Variants in ADGRE1 observed in about 807,000 individuals in gnomAD.
ADGRE1 encodes adhesion G protein-coupled receptor E1.
In ADGRE1, 82 loss-of-function variants were observed where a neutral mutation model predicts 102.7. That is an observed-to-expected ratio of 0.80 (90% CI 0.67 to 0.96). ADGRE1 has a LOEUF of 0.96. Among genes scored for constraint, ADGRE1 ranks in the 40% least tolerant of loss-of-function variants. ADGRE1 has a pLI of 0.00. For synonymous variants in ADGRE1, 398 were observed against 399.6 expected (o/e 1.00, Z 0.05); for missense variants, 1,032 against 1,085.3 (o/e 0.95, Z 0.69).
At chr19:6,929,964 T>A (rs757779411) in intron 17 of ADGRE1, among the ~76,000 whole-genome samples, 6 of 152,174 alleles carry the variant, frequency 3.9e-5, no homozygotes, top group Non-Finnish European at 8.8e-5. Flanking sequence ...ATTTTGAACA[T>A]GCCTATTCCC....
rs148315148 is a variant in ADGRE1, at chr19:6,928,423, C to T, written c.2289+212C>T. 2.5e-3 allele frequency: 3,019 copies of T among 1,230,642 alleles called. 53 individuals carry two copies. The African/African-American group carries it at 0.04, about 16-fold the overall frequency. 76.2% of individuals were successfully genotyped at this position (1,230,642 alleles called of 1,614,324 possible). On this transcript the variant is annotated intron_variant, in intron 17 of 20. Coordinates refer to ENST00000312053, the MANE Select transcript of ADGRE1 (RefSeq NM_001974.5). Reference sequence around the variant, plus strand: ...GGTGGATCACCTGAGGTCAGGAGTTCGAGAACAGTCTGGCCAACTTGGCGA... The same window carrying T: ...GGTGGATCACCTGAGGTCAGGAGTTTGAGAACAGTCTGGCCAACTTGGCGA...
intron 1 of ADGRE1, among the ~76,000 whole-genome samples, chr19:6,888,189 G>A (rs1166051717): frequency 6.6e-6 from 1 of 152,226 alleles, no homozygotes; most frequent in Admixed American, 6.5e-5. Context: ...TGACTTCAGA[G>A]TCTGTAAGCT....
Position 6,916,259 on chromosome 19 carries a change from C to A in ADGRE1, c.1311C>A (p.Ser437Arg), listed in dbSNP as rs778083360. 1 of 1,612,062 alleles carries A rather than the reference C, an allele frequency of 6.2e-7. No homozygotes were observed. Among genetic ancestry groups the A allele is most frequent in the Admixed American group, 1.7e-5 (1 of 59,844 alleles). The change falls in exon 12 of 21, where the codon AGC becomes AGA. Residue 437 changes from serine to arginine, a missense_variant. Transcript: ENST00000312053. ...AVRTEYLDIESKVINKECSEE... is the reference protein window; with the variant it reads ...AVRTEYLDIERKVINKECSEE... The stretch of plus-strand genomic sequence containing the variant: ...CCTTTCTCTTTTTAGACATTGAGAG[C>A]AAAGTTATCAACAAAGAATGCAGTG...
chr19:6,911,749 G>C (rs1048673132), intron 10 of ADGRE1, among the ~76,000 whole-genome samples: 2 of 149,576 alleles, frequency 1.3e-5, no homozygotes, highest in Non-Finnish European at 3.0e-5. Context: ...TGCACACACA[G>C]TATGTACACA....
At chr19:6,889,646 G>A (rs779066603) in intron 1 of ADGRE1, among the ~76,000 whole-genome samples, 2 of 130,362 alleles carry the variant, frequency 1.5e-5, no homozygotes, top group East Asian at 2.2e-4. Context: ...CCTAGATCAC[G>A]CTACTGCACT....
intron 17 of ADGRE1, chr19:6,928,702 G>C (rs1169475592): frequency 6.0e-6 from 1 of 165,680 alleles, no homozygotes; most frequent in African/African-American, 2.4e-5. Flanking sequence ...AGCACTTTGA[G>C]AGGCCCAGGA....
intron 10 of ADGRE1, among the ~76,000 whole-genome samples, chr19:6,911,385 G>GTTTCTTTTTTTTTTTTTT (rs1974169693): frequency 2.5e-5 from 2 of 79,844 alleles, no homozygotes; most frequent in Non-Finnish European, 4.7e-5. Context: ...ATTCCTTTTA[G>GTTTCTTTTTTTTTTTTTT]TTTTTTTTTT....
chr19:6,937,205 C>A lies in ADGRE1; in HGVS notation c.2382-38C>A, dbSNP rs749973692. On this transcript the variant is annotated intron_variant, in intron 18 of 20. Coordinates refer to ENST00000312053, the MANE Select transcript of ADGRE1 (RefSeq NM_001974.5). Reference sequence around the variant, plus strand: ...GTGTGGCCTGCAAGGACAATAGCCACCTCCCAGAGCCTTACATGCTGTACA... The same window carrying A: ...GTGTGGCCTGCAAGGACAATAGCCAACTCCCAGAGCCTTACATGCTGTACA... The A allele has an allele frequency of 1.9e-6, 3 of 1,582,408 alleles. No individual in the cohort carries two copies. In the African/African-American group the frequency reaches 4.0e-5, roughly 21 times the overall value.
At chr19:6,895,976 G>A (rs1973533393) in intron 2 of ADGRE1, 1 of 154,712 alleles carries the variant, frequency 6.5e-6, no homozygotes, top group African/African-American at 2.4e-5. Context: ...GGCAGGGCCA[G>A]TCTTTCTCCA....
chr19:6,922,186 T>C (rs1437471090), intron 14 of ADGRE1, among the ~76,000 whole-genome samples: 1 of 152,178 alleles, frequency 6.6e-6, no homozygotes, highest in African/African-American at 2.4e-5. Flanking sequence ...TTAAGTGGTT[T>C]TAGACCCATT....
chr19:6,908,728 C>A lies in ADGRE1; in HGVS notation c.1078C>A (p.Leu360Met). Reference protein sequence around the residue: ...CAQINNIFSVLDKVCENKTTV... With the variant: ...CAQINNIFSVMDKVCENKTTV... ...ACAAATAAATAACATCTTCAGCGTT[C>A]TGGACAAAGTGTGTGAAAATAAAAC... The change falls in exon 10 of 21, where the codon CTG becomes ATG. Residue 360 changes from leucine to methionine, a missense_variant. Leu to Met is a conservative substitution (Grantham distance 15). Coordinates refer to ENST00000312053, the MANE Select transcript of ADGRE1 (RefSeq NM_001974.5). 6.2e-7 allele frequency: 1 copy of A among 1,605,000 alleles called. No individual in the cohort carries two copies.
At chr19:6,889,226 G>T (rs545551893) in intron 1 of ADGRE1, among the ~76,000 whole-genome samples, 2 of 150,822 alleles carry the variant, frequency 1.3e-5, no homozygotes, top group East Asian at 2.0e-4. Context: ...GATGATGGTG[G>T]TGATGGTGAT....
chr19:6,912,349 C>T (rs1200074353), intron 10 of ADGRE1, among the ~76,000 whole-genome samples: 1 of 152,188 alleles, frequency 6.6e-6, no homozygotes, highest in Non-Finnish European at 1.5e-5. Flanking sequence ...AGGTTCAAAT[C>T]GTGGTTCTTC....
rs144318055 is a variant in ADGRE1, at chr19:6,919,604, C to T, written c.1477C>T (p.Arg493Cys). 175 of 1,613,388 alleles carry T rather than the reference C, an allele frequency of 1.1e-4. 2 individuals are homozygous for T. In the South Asian group the frequency reaches 1.7e-3, roughly 15 times the overall value. ...GGGCATGGAATCGGTTTTAAATGAGCGCTTCTTCAAAGACCACCAGGCTCC... is the reference window on the plus strand; with the variant it reads ...GGGCATGGAATCGGTTTTAAATGAGTGCTTCTTCAAAGACCACCAGGCTCC... Reference protein sequence around the residue: ...FVGMESVLNERFFKDHQAPLT... With the variant: ...FVGMESVLNECFFKDHQAPLT... The change falls in exon 13 of 21, where the codon CGC (arginine) becomes TGC (cysteine). Residue 493 changes from arginine (R) to cysteine (C), a missense_variant. Physicochemically the swap from Arg to Cys is radical, Grantham distance 180. Transcript: ENST00000312053.
intron 20 of ADGRE1, among the ~76,000 whole-genome samples, chr19:6,938,760 G>C (rs1252740114): frequency 1.3e-5 from 2 of 149,132 alleles, no homozygotes; most frequent in African/African-American, 4.9e-5. Context: ...AGGTATCACT[G>C]CTCTATTTTC....
At chr19:6,909,104 A>G (rs1974079329) in intron 10 of ADGRE1, among the ~76,000 whole-genome samples, 1 of 151,024 alleles carries the variant, frequency 6.6e-6, no homozygotes, top group Admixed American at 6.6e-5. Context: ...ACTGCACTTC[A>G]GCCTTGGCAA....
In ADGRE1 at chr19:6,897,466, C is replaced by G; in HGVS notation, c.433C>G (p.His145Asp). ...CCTCACCAGCAGCGTCTGCCCTGAG[C>G]ATTCTGACTGTGTCAACTCCATGGG... The part of the protein sequence containing the change: ...ECLTSSVCPE[H>D]SDCVNSMGSY... The change falls in exon 5 of 21, where the codon CAT (histidine) becomes GAT (aspartate). Residue 145 changes from histidine to aspartate, a missense_variant. Coordinates refer to ENST00000312053, the MANE Select transcript of ADGRE1 (RefSeq NM_001974.5). 6.2e-7 allele frequency: 1 copy of G among 1,600,986 alleles called. No homozygotes were observed. Among genetic ancestry groups the G allele is most frequent in the Non-Finnish European group, 8.5e-7 (1 of 1,175,094 alleles).
In ADGRE1 at chr19:6,937,225, T is replaced by A. The variant is rs373570407; in HGVS notation, c.2382-18T>A. On this transcript the variant is annotated intron_variant, in intron 18 of 20. Transcript: ENST00000312053. ...AGCCACCTCCCAGAGCCTTACATGCTGTACATCTTCTCCCCAGGTTACTGA... is the reference window on the plus strand; with the variant it reads ...AGCCACCTCCCAGAGCCTTACATGCAGTACATCTTCTCCCCAGGTTACTGA... 4.5e-5 allele frequency: 73 copies of A among 1,609,238 alleles called. No homozygotes were observed. The highest frequency in any genetic ancestry group is 5.5e-5 in the Non-Finnish European group (65 of 1,177,092).
intron 14 of ADGRE1, 135 bp downstream of exon 14, chr19:6,922,018 T>G: frequency 9.8e-7 from 1 of 1,021,390 alleles, no homozygotes; most frequent in South Asian, 1.8e-5. Flanking sequence ...ACAGAAGGGG[T>G]AGGTGATATG....
Sources: allele counts gnomAD v4.1 joint callset (sites outside exome capture counted in the v4.1 genomes callset), GRCh38; gene constraint gnomAD v4.1.1; transcripts MANE v1.5; gene names NCBI Gene and HGNC (gene_info 2026-07-23, HGNC 2026-07-21).